SNAPC3: variants seen among roughly 807,000 people sequenced by gnomAD.
The protein encoded by SNAPC3 is snRNA-activating protein complex subunit 3.
A neutral mutation model predicts 47.7 loss-of-function variants in SNAPC3; 56 were observed. The ratio of observed to expected loss-of-function variants is 1.18; its 90% CI spans 0.95 to 1.47. The LOEUF (loss-of-function observed/expected upper bound fraction) is 1.47. Ranked by LOEUF, SNAPC3 falls within the 40% of genes most tolerant of loss-of-function variation. The pLI is 0.00. For synonymous variants in SNAPC3, 235 were observed against 189.9 expected, an observed-to-expected ratio of 1.24 and a Z score of -1.95; for missense variants, 665 against 511.3, an observed-to-expected ratio of 1.30 and a Z score of -2.90.
intron 3 of SNAPC3, among the ~76,000 whole-genome samples, chr9:15,438,831 G>A (rs2033061459): frequency 6.6e-6 from 1 of 152,086 alleles, no homozygotes; most frequent in Admixed American, 6.6e-5. Context: ...CTGTTGTTTG[G>A]AGAGTTCTTT....
chr9:15,464,276 G>C (rs527597148), downstream of SNAPC3: 10 of 194,656 alleles, frequency 5.1e-5, no homozygotes, highest in African/African-American at 2.1e-4. Context: ...AGTTATCTCA[G>C]AGGGTCAACC....
At chr9:15,424,927 C>T (rs956503454) in intron 2 of SNAPC3, among the ~76,000 whole-genome samples, 1 of 152,192 alleles carries the variant, frequency 6.6e-6, no homozygotes, top group African/African-American at 2.4e-5. Flanking sequence ...ACAGCAGCAA[C>T]ACCTGGAGCA....
chr9:15,429,904 A>G (rs1043138494), intron 2 of SNAPC3, among the ~76,000 whole-genome samples: 2 of 152,206 alleles, frequency 1.3e-5, no homozygotes, highest in African/African-American at 4.8e-5. Flanking sequence ...AGACCAAAGT[A>G]TACCAAGTAA....
intron 7 of SNAPC3, among the ~76,000 whole-genome samples, chr9:15,456,433 C>T (rs907769617): frequency 6.6e-6 from 1 of 152,044 alleles, no homozygotes; most frequent in Non-Finnish European, 1.5e-5. Context: ...ACAAAAGAAA[C>T]ATGATTTGTT....
Position 15,461,079 on chromosome 9 carries a change from T to C in SNAPC3, c.*1213T>C, listed in dbSNP as rs1453379906. ...AAAAAATAAGTTTTCCTGGCCCAGG[T>C]CTTCCATTCTTCTGGTCCCCTTACT... is the stretch of plus-strand genomic sequence containing the variant. On this transcript the variant is annotated 3_prime_UTR_variant, in exon 9 of 9. Coordinates refer to ENST00000380821, the MANE Select transcript of SNAPC3 (RefSeq NM_001039697.2). 6.6e-6 allele frequency: 1 copy of C among 151,916 alleles called. No homozygotes were observed. The highest frequency in any genetic ancestry group is 2.1e-4 in the South Asian group (1 of 4,816). 9.4% of individuals were successfully genotyped at this position (151,916 alleles called of 1,614,324 possible).
chr9:15,459,646 C>A, intron 8 of SNAPC3, 73 bp from the exon 9 acceptor site: 1 of 1,150,762 alleles, frequency 8.7e-7, no homozygotes, highest in Non-Finnish European at 1.3e-6. Context: ...TTACATATTG[C>A]TACAGGTCAT....
At chr9:15,434,807 G>A (rs1312914493) in intron 3 of SNAPC3, among the ~76,000 whole-genome samples, 2 of 152,154 alleles carry the variant, frequency 1.3e-5, no homozygotes, top group African/African-American at 2.4e-5. Context: ...TCTATTGTAT[G>A]TATACACCAC....
chr9:15,460,418 C>G lies in SNAPC3; in HGVS notation c.*552C>G, dbSNP rs1263479749. On this transcript the variant is annotated 3_prime_UTR_variant, in exon 9 of 9. Coordinates refer to ENST00000380821, the MANE Select transcript of SNAPC3 (RefSeq NM_001039697.2). ...GATTATTTATTTTTTGAGACAAAAT[C>G]TCGCTCTTGTTGCCCAGGCTGGAAT... 6.6e-6 allele frequency: 1 copy of G among 152,186 alleles called. No homozygotes were observed. The highest frequency in any genetic ancestry group is 2.4e-5 in the African/African-American group (1 of 41,438). 9.4% of individuals were successfully genotyped at this position (152,186 alleles called of 1,614,324 possible). A position where few individuals can be genotyped will look rare whatever the true frequency, so the allele number is the denominator to read the frequency against.
chr9:15,440,881 G>A (rs868659179), intron 3 of SNAPC3, among the ~76,000 whole-genome samples: 5 of 151,070 alleles, frequency 3.3e-5, no homozygotes, highest in Non-Finnish European at 5.9e-5. Flanking sequence ...CCCGGGAGGC[G>A]GAGCTTGCAG....
intron 2 of SNAPC3, among the ~76,000 whole-genome samples, chr9:15,424,544 C>G (rs770064028): frequency 7.1e-6 from 1 of 140,864 alleles, no homozygotes; most frequent in South Asian, 2.1e-4. Context: ...AAAAGACAAA[C>G]ACAATATAAG....
At chr9:15,448,832 T>C (rs1005666785) in intron 5 of SNAPC3, among the ~76,000 whole-genome samples, 2 of 152,146 alleles carry the variant, frequency 1.3e-5, no homozygotes, top group Non-Finnish European at 2.9e-5. Context: ...TCTTTTTTTT[T>C]TGGATGGGGC....
intron 6 of SNAPC3, 78 bp downstream of exon 6, chr9:15,451,480 A>G: frequency 1.7e-6 from 1 of 592,962 alleles, no homozygotes; most frequent in Non-Finnish European, 2.9e-6. Flanking sequence ...AAATCCTATT[A>G]TTGGCCTATT....
At chr9:15,442,184 C>T (rs1358164582) in intron 3 of SNAPC3, among the ~76,000 whole-genome samples, 1 of 147,504 alleles carries the variant, frequency 6.8e-6, no homozygotes, top group African/African-American at 2.5e-5. Context: ...CCAGACGGGG[C>T]GGCTGGCCGG....
chr9:15,429,358 TA>T (rs1429673619), intron 2 of SNAPC3, among the ~76,000 whole-genome samples: 1 of 152,210 alleles, frequency 6.6e-6, no homozygotes, highest in Non-Finnish European at 1.5e-5. Context: ...GAATGAGCTT[TA>T]TCCAACCAAT....
chr9:15,465,857 G>A (rs1480998538), downstream of SNAPC3: 2 of 327,244 alleles, frequency 6.1e-6, no homozygotes, highest in East Asian at 1.0e-4. Flanking sequence ...ATCATTTCTA[G>A]CATAAAAGTG....
chr9:15,457,065 A>T (rs981883218), intron 7 of SNAPC3, among the ~76,000 whole-genome samples: 5 of 152,220 alleles, frequency 3.3e-5, no homozygotes, highest in African/African-American at 1.2e-4. Flanking sequence ...GGAGCTGATT[A>T]GTGGCAGAGT....
intron 3 of SNAPC3, among the ~76,000 whole-genome samples, chr9:15,443,162 AGAGAGAGGGAGAGGGAGACCGTGGG>A (rs1375202464): frequency 2.6e-5 from 4 of 152,096 alleles, no homozygotes; most frequent in African/African-American, 7.2e-5. Flanking sequence ...GAGACTGTGG[AGAGAGAGGGAGAGGGAGACCGTGGG>A]GAGAGGGGGA....
intron 3 of SNAPC3, 80 bp from the exon 4 acceptor site, chr9:15,444,522 C>G: frequency 1.2e-6 from 1 of 864,378 alleles, no homozygotes; most frequent in Non-Finnish European, 1.9e-6. Context: ...GACTCGATCC[C>G]TTGCTGATAG....
chr9:15,450,730 C>T (rs1386509347), intron 5 of SNAPC3, among the ~76,000 whole-genome samples: 1 of 152,130 alleles, frequency 6.6e-6, no homozygotes, highest in Non-Finnish European at 1.5e-5. Context: ...TGAGTTGACA[C>T]TTGTGTTTGG....
Sources: allele counts gnomAD v4.1 joint callset (sites outside exome capture counted in the v4.1 genomes callset), GRCh38; gene constraint gnomAD v4.1.1; transcripts MANE v1.5; gene names NCBI Gene and HGNC (gene_info 2026-07-23, HGNC 2026-07-21).